Variants in CAMK4 observed in about 807,000 individuals in gnomAD.
The protein encoded by CAMK4 is calcium/calmodulin dependent protein kinase IV, also known as calcium/calmodulin-dependent protein kinase type IV.
CAMK4 carries 22 observed loss-of-function variants against 44.9 expected under a neutral mutation model. The ratio of observed to expected loss-of-function variants is 0.49; its 90% CI spans 0.35 to 0.70. The LOEUF is 0.70. Ranked by LOEUF, CAMK4 falls within the 30% of genes least tolerant of loss-of-function variation. The pLI, the probability that CAMK4 is intolerant of heterozygous loss-of-function variation, is 0.01. For synonymous variants in CAMK4, 218 were observed against 215.4 expected (o/e 1.01, Z -0.11); for missense variants, 498 against 586.8 (o/e 0.85, Z 1.56).
chr5:111,454,013 T>C (rs1754327378), intron 7 of CAMK4, among the ~76,000 whole-genome samples: 1 of 151,714 alleles, frequency 6.6e-6, no homozygotes, highest in African/African-American at 2.4e-5. Flanking sequence ...CTTTCTTATC[T>C]TTCAGAATTA....
intron 1 of CAMK4, among the ~76,000 whole-genome samples, chr5:111,340,192 T>G (rs1278744712): frequency 6.6e-6 from 1 of 151,248 alleles, no homozygotes; most frequent in Non-Finnish European, 1.5e-5. Flanking sequence ...TTACTCCTTT[T>G]TGATTCAGAT....
chr5:111,270,994 G>C (rs1036298962), intron 1 of CAMK4, among the ~76,000 whole-genome samples: 1 of 152,168 alleles, frequency 6.6e-6, no homozygotes, highest in African/African-American at 2.4e-5. Context: ...CAGGAAGGGA[G>C]AGTGTGAAGG....
At position 111,469,552 on chromosome 5, in the gene CAMK4, GAC is replaced by G. The variant is rs2112481655; in HGVS notation, c.626-3754_626-3753del. Reference sequence around the variant, plus strand: ...ATAGTGGATCCAAAAAGCAGTTTGTGACACACTATTCATTTTCCTTAGAGTTC... The same window carrying G: ...ATAGTGGATCCAAAAAGCAGTTTGTGACACTATTCATTTTCCTTAGAGTTC... On this transcript the variant is annotated intron_variant, in intron 7 of 10. Coordinates refer to ENST00000282356, the MANE Select transcript of CAMK4 (RefSeq NM_001744.6). Among the ~76,000 whole-genome samples the G allele has an allele frequency of 4.6e-5, 7 of 152,250 alleles. 3 individuals are homozygous for G. The highest frequency in any genetic ancestry group is 4.6e-4 in the Admixed American group (7 of 15,294).
chr5:111,409,587 A>T (rs1455075455), intron 5 of CAMK4, among the ~76,000 whole-genome samples: 1 of 152,216 alleles, frequency 6.6e-6, no homozygotes, highest in East Asian at 1.9e-4. Context: ...CTCATTACTT[A>T]TGCAAATTTC....
At chr5:111,457,629 CAG>C (rs1360342875) in intron 7 of CAMK4, among the ~76,000 whole-genome samples, 2 of 152,136 alleles carry the variant, frequency 1.3e-5, no homozygotes, top group African/African-American at 2.4e-5. Flanking sequence ...CTTAACAAAA[CAG>C]AAAGTTGGGT....
chr5:111,477,226 C>T (rs1311665411), intron 8 of CAMK4, among the ~76,000 whole-genome samples: 1 of 152,208 alleles, frequency 6.6e-6, no homozygotes. Context: ...GGGGTCTGCA[C>T]TGTCAGGCCT....
At chr5:111,384,188 C>G (rs1293058945) in intron 4 of CAMK4, among the ~76,000 whole-genome samples, 4 of 152,118 alleles carry the variant, frequency 2.6e-5, no homozygotes, top group Non-Finnish European at 4.4e-5. Context: ...AGAAAAAGGG[C>G]TTTTGAGGAG....
intron 5 of CAMK4, among the ~76,000 whole-genome samples, chr5:111,403,125 A>G (rs1208385869): frequency 6.6e-6 from 1 of 152,352 alleles, no homozygotes; most frequent in Admixed American, 6.5e-5. Flanking sequence ...TGGTCCCACA[A>G]ATTTCTAAAA....
intron 1 of CAMK4, among the ~76,000 whole-genome samples, chr5:111,301,080 T>A (rs191216675): frequency 4.6e-5 from 7 of 150,894 alleles, no homozygotes; most frequent in Non-Finnish European, 7.4e-5. Flanking sequence ...GCTTACTGGT[T>A]TTTTTTTTTC....
chr5:111,249,077 C>T (rs1477665408), intron 1 of CAMK4, among the ~76,000 whole-genome samples: 1 of 152,054 alleles, frequency 6.6e-6, no homozygotes, highest in African/African-American at 2.4e-5. Flanking sequence ...CAATCTGAAG[C>T]GATTATTGTT....
At chr5:111,415,111 A>ATCTG (rs1274035541) in intron 5 of CAMK4, among the ~76,000 whole-genome samples, 1 of 152,222 alleles carries the variant, frequency 6.6e-6, no homozygotes, top group Non-Finnish European at 1.5e-5. Context: ...TATTTCATTT[A>ATCTG]TCTGTGGTCA....
chr5:111,240,499 T>C (rs1748940390), intron 1 of CAMK4, among the ~76,000 whole-genome samples: 1 of 152,254 alleles, frequency 6.6e-6, no homozygotes, highest in Admixed American at 6.5e-5. Context: ...AGTTTCATCT[T>C]ACATTTCTTT....
At chr5:111,354,995 T>G (rs1318769735) in intron 2 of CAMK4, among the ~76,000 whole-genome samples, 5 of 152,142 alleles carry the variant, frequency 3.3e-5, no homozygotes, top group Non-Finnish European at 7.4e-5. Flanking sequence ...GGATGAAAGA[T>G]ATGCATCTAT....
Position 111,224,655 on chromosome 5 carries a change from G to C in CAMK4, c.161+11G>C. 1 of 1,597,902 alleles carries C rather than the reference G, an allele frequency of 6.3e-7. No homozygotes were observed. Among genetic ancestry groups the C allele is most frequent in the Non-Finnish European group, 8.5e-7 (1 of 1,172,910 alleles). On this transcript the variant is annotated intron_variant, in intron 1 of 10. Transcript: ENST00000282356. This position sits in a 1 kb window ranked among gnomAD's most constrained non-coding sequence, Gnocchi z 5.7. ...GTCGGAGCTGGGACGGTAAGGCGCGGGCTCCGGCTGGGGAAGCCCGCGGCG... is the reference window on the plus strand; with the variant it reads ...GTCGGAGCTGGGACGGTAAGGCGCGCGCTCCGGCTGGGGAAGCCCGCGGCG...
In CAMK4 at chr5:111,325,640, C is replaced by T. The variant is rs376317013; in HGVS notation, c.162-18384C>T. On this transcript the variant is annotated intron_variant, in intron 1 of 10. Coordinates refer to ENST00000282356, the MANE Select transcript of CAMK4 (RefSeq NM_001744.6). ...TTCTGTAATGACTGGTGATGATGAG[C>T]TTTTTTCCCTATGTTTCTTGGCCAC... Among the ~76,000 whole-genome samples, 5 of 152,066 alleles carry T rather than the reference C, an allele frequency of 3.3e-5. No individual in the cohort carries two copies. The East Asian group carries it at 5.8e-4, about 18-fold the overall frequency.
At chr5:111,240,773 CT>C (rs1226286607) in intron 1 of CAMK4, among the ~76,000 whole-genome samples, 1 of 152,154 alleles carries the variant, frequency 6.6e-6, no homozygotes, top group Admixed American at 6.5e-5. Flanking sequence ...AAGTTGTTCT[CT>C]GATTCTGAGA....
chr5:111,457,787 G>A (rs935986459), intron 7 of CAMK4, among the ~76,000 whole-genome samples: 1 of 152,092 alleles, frequency 6.6e-6, no homozygotes, highest in Non-Finnish European at 1.5e-5. Context: ...ATTTCCAGAA[G>A]AATAAATAGC....
intron 5 of CAMK4, among the ~76,000 whole-genome samples, chr5:111,407,577 A>C (rs1021907642): frequency 1.3e-5 from 2 of 152,196 alleles, no homozygotes; most frequent in African/African-American, 4.8e-5. Context: ...TATGTAGACC[A>C]TGACAGGAAG....
chr5:111,243,061 G>A (rs866512450), intron 1 of CAMK4, among the ~76,000 whole-genome samples: 1 of 152,020 alleles, frequency 6.6e-6, no homozygotes, highest in Non-Finnish European at 1.5e-5. Flanking sequence ...CCACAGTTCC[G>A]GGCAGATGTT....
Sources: gnomAD v4.1 joint callset for allele counts (sites outside exome capture counted in the v4.1 genomes callset) on GRCh38, gnomAD v4.1.1 for gene constraint, Gnocchi (gnomAD v3.1) non-coding constraint, MANE v1.5 for transcripts, NCBI Gene and HGNC (gene_info 2026-07-23, HGNC 2026-07-21) for gene names.